TCERG1L: variants seen among roughly 807,000 people sequenced by gnomAD.
TCERG1L encodes transcription elongation regulator 1-like protein.
A neutral mutation model predicts 56.3 loss-of-function variants in TCERG1L; 37 were observed. That is an observed-to-expected ratio of 0.66 (90% CI 0.51 to 0.87). The LOEUF is 0.87. Ranked by LOEUF, TCERG1L falls within the 40% of genes least tolerant of loss-of-function variation. The pLI, the probability that TCERG1L is intolerant of heterozygous loss-of-function variation, is 0.00. For synonymous variants in TCERG1L, 324 were observed against 326.3 expected (o/e 0.99, Z 0.08); for missense variants, 799 against 774.2 (o/e 1.03, Z -0.38).
chr10:131,178,084 C>T (rs544400057), intron 4 of TCERG1L, among the ~76,000 whole-genome samples: 2 of 152,198 alleles, frequency 1.3e-5, no homozygotes, highest in South Asian at 2.1e-4. Context: ...GGGGAGCCTG[C>T]GCACTGGGCG....
At chr10:131,230,843 A>T (rs1177224929) in intron 4 of TCERG1L, among the ~76,000 whole-genome samples, 1 of 152,258 alleles carries the variant, frequency 6.6e-6, no homozygotes, top group African/African-American at 2.4e-5. Context: ...GCGGCTCTGG[A>T]CAGATGTGCA....
At chr10:131,101,281 C>T (rs1462470204) in intron 10 of TCERG1L, among the ~76,000 whole-genome samples, 1 of 152,250 alleles carries the variant, frequency 6.6e-6, no homozygotes, top group African/African-American at 2.4e-5. Context: ...CCATGAACCA[C>T]GTCCATCCAG....
intron 3 of TCERG1L, among the ~76,000 whole-genome samples, chr10:131,297,704 G>C (rs1244299027): frequency 6.6e-6 from 1 of 152,138 alleles, no homozygotes; most frequent in African/African-American, 2.4e-5. Context: ...GTCAGGGATT[G>C]AATGTTTTCC....
intron 3 of TCERG1L, among the ~76,000 whole-genome samples, chr10:131,276,559 C>A (rs1846395239): frequency 6.6e-6 from 1 of 152,248 alleles, no homozygotes; most frequent in African/African-American, 2.4e-5. Context: ...GGAAATTATT[C>A]TCAGCCCATG....
chr10:131,281,664 TC>T (rs1431266466), intron 3 of TCERG1L, among the ~76,000 whole-genome samples: 1 of 152,092 alleles, frequency 6.6e-6, no homozygotes, highest in East Asian at 1.9e-4. Flanking sequence ...ACCTCCACAG[TC>T]CCCCTGGCTA....
chr10:131,239,161 G>A (rs971013892), intron 4 of TCERG1L, among the ~76,000 whole-genome samples: 2 of 152,184 alleles, frequency 1.3e-5, no homozygotes, highest in Non-Finnish European at 2.9e-5. Flanking sequence ...GCCTTGCTCC[G>A]GCACCCAGCA....
chr10:131,180,682 C>T (rs1044700048), intron 4 of TCERG1L, among the ~76,000 whole-genome samples: 4 of 152,142 alleles, frequency 2.6e-5, no homozygotes, highest in Non-Finnish European at 4.4e-5. Flanking sequence ...TTCACACATT[C>T]GTTATCTCAG....
chr10:131,296,952 G>A (rs1374911568), intron 3 of TCERG1L, among the ~76,000 whole-genome samples: 1 of 152,166 alleles, frequency 6.6e-6, no homozygotes, highest in Non-Finnish European at 1.5e-5. Flanking sequence ...CTGCAACCTT[G>A]CTAAACTTCC....
At chr10:131,134,097 G>A (rs928430408) in intron 8 of TCERG1L, among the ~76,000 whole-genome samples, 1 of 152,106 alleles carries the variant, frequency 6.6e-6, no homozygotes, top group African/African-American at 2.4e-5. Flanking sequence ...CACTCCTACA[G>A]GACTCTGGAA....
intron 3 of TCERG1L, among the ~76,000 whole-genome samples, chr10:131,265,666 T>G (rs1041640648): frequency 6.6e-6 from 1 of 152,256 alleles, no homozygotes; most frequent in Admixed American, 6.5e-5. Flanking sequence ...ATGTTTACAC[T>G]ATAGTGTAGT....
chr10:131,181,777 CA>C (rs1201660821), intron 4 of TCERG1L, among the ~76,000 whole-genome samples: 2 of 152,250 alleles, frequency 1.3e-5, no homozygotes, highest in Admixed American at 6.5e-5. Flanking sequence ...CGTATCTTTG[CA>C]AAATGCACTT....
chr10:131,158,056 C>T (rs1364579627), intron 6 of TCERG1L, among the ~76,000 whole-genome samples: 2 of 152,356 alleles, frequency 1.3e-5, no homozygotes, highest in Middle Eastern at 3.4e-3. Context: ...TTCAAGGAGG[C>T]CCTGCGTCTG....
intron 4 of TCERG1L, among the ~76,000 whole-genome samples, chr10:131,215,402 A>G (rs1254920389): frequency 6.6e-6 from 1 of 152,262 alleles, no homozygotes; most frequent in East Asian, 1.9e-4. Context: ...ATTTAAATAG[A>G]AATGGAAATT....
chr10:131,258,218 G>A (rs115063293), intron 4 of TCERG1L, among the ~76,000 whole-genome samples: 5 of 152,206 alleles, frequency 3.3e-5, no homozygotes, highest in African/African-American at 9.6e-5. Context: ...CAGAGACAAC[G>A]CCTTGCTCCC....
At chr10:131,178,405 C>G (rs1285503249) in intron 4 of TCERG1L, among the ~76,000 whole-genome samples, 3 of 152,192 alleles carry the variant, frequency 2.0e-5, no homozygotes, top group Non-Finnish European at 4.4e-5. Context: ...TAACGAGTAT[C>G]TCATGCCCTG....
At chr10:131,150,719 C>T (rs906211440) in intron 6 of TCERG1L, among the ~76,000 whole-genome samples, 1 of 152,210 alleles carries the variant, frequency 6.6e-6, no homozygotes, top group African/African-American at 2.4e-5. Flanking sequence ...CCCGATAGCA[C>T]ACGTGGATCT....
At chr10:131,192,991 T>C (rs180774247) in intron 4 of TCERG1L, among the ~76,000 whole-genome samples, 55 of 152,282 alleles carry the variant, frequency 3.6e-4, no homozygotes, top group African/African-American at 1.1e-3. Flanking sequence ...AAGCCACTTG[T>C]ACTCCAGAAG....
At chr10:131,183,515 CGTATTTCAGTGGCCCCTCACCCTCT>C (rs1845203472) in intron 4 of TCERG1L, among the ~76,000 whole-genome samples, 1 of 152,200 alleles carries the variant, frequency 6.6e-6, no homozygotes. Context: ...GGGCTTCTCT[CGTATTTCAGTGGCCCCTCACCCTCT>C]GTAGGATATA....
Position 131,118,266 on chromosome 10 carries a change from G to A in TCERG1L, c.1260-1332C>T, listed in dbSNP as rs956413228. On this transcript the variant is annotated intron_variant, in intron 8 of 11. Transcript: ENST00000368642. The surrounding 1 kb of genome is among the most constrained non-coding windows in gnomAD (Gnocchi z 4.2). ...AGCTCCCTAAGTGCTCGGAGATGTA[G>A]GAATGGCATGTACATCTAAAGGCAT... Among the ~76,000 whole-genome samples the A allele has an allele frequency of 1.3e-5, 2 of 152,220 alleles. No individual in the cohort carries two copies. Among genetic ancestry groups the A allele is most frequent in the Non-Finnish European group, 2.9e-5 (2 of 68,036 alleles).
Sources: gnomAD v4.1 joint callset for allele counts (sites outside exome capture counted in the v4.1 genomes callset) on GRCh38, gnomAD v4.1.1 for gene constraint, Gnocchi (gnomAD v3.1) non-coding constraint, MANE v1.5 for transcripts, NCBI Gene and HGNC (gene_info 2026-07-23, HGNC 2026-07-21) for gene names.